The following NKAIN3 variants were observed in gnomAD, a reference collection of about 807,000 sequenced individuals.
NKAIN3 encodes the protein sodium/potassium transporting ATPase interacting 3, also known as sodium/potassium-transporting ATPase subunit beta-1-interacting protein 3.
In NKAIN3, 25 loss-of-function variants were observed where a neutral mutation model predicts 30.2. The observed-to-expected ratio is 0.83, with a 90% confidence interval of 0.60 to 1.16. The LOEUF (loss-of-function observed/expected upper bound fraction) is 1.16, where lower values mean the gene tolerates loss of function less well. Ranked by LOEUF, NKAIN3 falls within the 50% of genes most tolerant of loss-of-function variation. The probability of loss-of-function intolerance (pLI) is 0.00; values close to 1 mark genes in which losing one functional copy is unlikely to be tolerated. For synonymous variants in NKAIN3, 91 were observed against 89.6 expected, an observed-to-expected ratio of 1.02 and a Z score of -0.09; for missense variants, 225 against 254.1, an observed-to-expected ratio of 0.89 and a Z score of 0.78.
rs567978634 is a variant in NKAIN3, at chr8:62,256,332, T to G, written c.54+7205T>G. ...CTCCTTGGAGATTGAGGTGGGAGGA[T>G]TGCTTGAACTCAGGAGGTGAAGGCT... On this transcript the variant is annotated intron_variant, in intron 1 of 6. Coordinates refer to ENST00000623646, the MANE Select transcript of NKAIN3 (RefSeq NM_001304533.3). Among the ~76,000 whole-genome samples the G allele has an allele frequency of 3.9e-5, 6 of 152,254 alleles. No individual in the cohort carries two copies. In the South Asian group the frequency reaches 1.2e-3, roughly 32 times the overall value.
intron 1 of NKAIN3, among the ~76,000 whole-genome samples, chr8:62,293,790 A>C (rs986385437): frequency 1.3e-5 from 2 of 152,202 alleles, no homozygotes; most frequent in Non-Finnish European, 2.9e-5. Context: ...TTAAGTCTGC[A>C]GAAGTTTCTG....
chr8:62,778,702 C>T (rs1038038863), intron 4 of NKAIN3, among the ~76,000 whole-genome samples: 3 of 151,950 alleles, frequency 2.0e-5, no homozygotes, highest in Admixed American at 6.6e-5. Context: ...TGCTTTATTC[C>T]ACTGTGGCCG....
intron 1 of NKAIN3, among the ~76,000 whole-genome samples, chr8:62,314,316 CAG>C (rs1814543330): frequency 6.6e-6 from 1 of 152,096 alleles, no homozygotes; most frequent in Non-Finnish European, 1.5e-5. Flanking sequence ...TGACATAATC[CAG>C]AGTCATATCT....
In NKAIN3 at chr8:62,811,709, A is replaced by C. The variant is rs375918371; in HGVS notation, c.471+64580A>C. Among the ~76,000 whole-genome samples the C allele has an allele frequency of 3.9e-5, 6 of 151,930 alleles. No homozygotes were observed. In the East Asian group the frequency reaches 9.7e-4, roughly 24 times the overall value. ...TCTATTTGTGTCTTTTGCCAATTTT[A>C]TATTTAGATTTTTTTGCTTTTCTTA... On this transcript the variant is annotated intron_variant, in intron 4 of 6. Coordinates refer to ENST00000623646, the MANE Select transcript of NKAIN3 (RefSeq NM_001304533.3).
At chr8:62,549,361 ATAGT>A (rs1372097408) in intron 1 of NKAIN3, among the ~76,000 whole-genome samples, 2 of 152,066 alleles carry the variant, frequency 1.3e-5, no homozygotes. Flanking sequence ...CCTGTTCCAC[ATAGT>A]TAGGTTATTT....
chr8:62,396,591 C>T (rs1314871110), intron 1 of NKAIN3, among the ~76,000 whole-genome samples: 1 of 152,148 alleles, frequency 6.6e-6, no homozygotes, highest in Admixed American at 6.5e-5. Flanking sequence ...AATTGTGGCT[C>T]TTAATTTATA....
chr8:62,998,254 TTCTC>T (rs749712108), intron 5 of NKAIN3, among the ~76,000 whole-genome samples: 1 of 151,246 alleles, frequency 6.6e-6, no homozygotes, highest in Admixed American at 6.6e-5. Flanking sequence ...TCATTTTTCT[TTCTC>T]TCTCTCTCTC....
chr8:62,764,677 C>T (rs1816777752), intron 4 of NKAIN3, among the ~76,000 whole-genome samples: 1 of 152,044 alleles, frequency 6.6e-6, no homozygotes, highest in Admixed American at 6.6e-5. Flanking sequence ...GTTCCCCAGG[C>T]TTGAAATAAG....
intron 4 of NKAIN3, among the ~76,000 whole-genome samples, chr8:62,795,860 T>C (rs908321385): frequency 1.3e-5 from 2 of 152,190 alleles, no homozygotes; most frequent in Non-Finnish European, 2.9e-5. Context: ...TATGTATTAA[T>C]CACATTTTCA....
At chr8:62,699,123 T>C (rs1394235114) in intron 3 of NKAIN3, among the ~76,000 whole-genome samples, 1 of 152,190 alleles carries the variant, frequency 6.6e-6, no homozygotes, top group African/African-American at 2.4e-5. Context: ...ACATTATCGC[T>C]TAATAATTTA....
rs1383972088 is a variant in NKAIN3 at position 62,957,852 on chromosome 8, C to T, written c.603+3880C>T. Among the ~76,000 whole-genome samples, 6 of 152,080 alleles carry T rather than the reference C, an allele frequency of 3.9e-5. No individual in the cohort carries two copies. The South Asian group carries it at 6.2e-4, about 16-fold the overall frequency. ...CACCAAGAGTGAATCCTAATGTAAA[C>T]GATAGGCTTCGAGTGACTATATCAG... On this transcript the variant is annotated intron_variant, in intron 6 of 6. Coordinates refer to ENST00000623646, the MANE Select transcript of NKAIN3 (RefSeq NM_001304533.3).
At chr8:62,438,468 C>T (rs910812703) in intron 1 of NKAIN3, among the ~76,000 whole-genome samples, 3 of 152,164 alleles carry the variant, frequency 2.0e-5, no homozygotes, top group African/African-American at 7.2e-5. Context: ...GCATCTGTCA[C>T]CTGGAATCAC....
At chr8:62,920,062 G>T (rs985411938) in intron 5 of NKAIN3, among the ~76,000 whole-genome samples, 16 of 152,252 alleles carry the variant, frequency 1.1e-4, no homozygotes, top group Middle Eastern at 6.8e-3. Context: ...TTAATATACA[G>T]AAGGTTAGCA....
rs1341544633 is a variant in NKAIN3 at position 62,426,165 on chromosome 8, ATTGAGAAAGG to A, written c.55-153373_55-153364del. Among the ~76,000 whole-genome samples the A allele has an allele frequency of 3.9e-5, 6 of 151,958 alleles. No homozygotes were observed. In the East Asian group the frequency reaches 1.2e-3, roughly 29 times the overall value. On this transcript the variant is annotated intron_variant, in intron 1 of 6. Transcript: ENST00000623646. ...GGGAGTCTATATTAAAAATCTTGGC[ATTGAGAAAGG>A]ATAATGAGAACAGGGAAATCTACCA...
intron 4 of NKAIN3, among the ~76,000 whole-genome samples, chr8:62,837,344 G>A (rs566832137): frequency 1.9e-4 from 29 of 152,238 alleles, no homozygotes; most frequent in African/African-American, 5.3e-4. Flanking sequence ...CACAACTGCT[G>A]AACCATAGTT....
At chr8:62,900,697 T>C (rs1821588129) in intron 4 of NKAIN3, among the ~76,000 whole-genome samples, 1 of 152,092 alleles carries the variant, frequency 6.6e-6, no homozygotes, top group South Asian at 2.1e-4. Context: ...ATCTTGATAA[T>C]CTTCACAATA....
intron 4 of NKAIN3, among the ~76,000 whole-genome samples, chr8:62,786,301 A>G (rs1305332809): frequency 1.3e-5 from 2 of 152,288 alleles, no homozygotes; most frequent in East Asian, 3.9e-4. Flanking sequence ...TTAACAGTAT[A>G]GTACTGAATT....
At chr8:62,993,637 A>G (rs1280276911) in intron 5 of NKAIN3, among the ~76,000 whole-genome samples, 2 of 152,060 alleles carry the variant, frequency 1.3e-5, no homozygotes, top group African/African-American at 4.8e-5. Context: ...CCTTTTTGCA[A>G]ACGAATCACT....
chr8:62,315,161 A>G (rs11997708), intron 1 of NKAIN3, among the ~76,000 whole-genome samples: 284 of 152,110 alleles, frequency 1.9e-3, no homozygotes, highest in African/African-American at 6.3e-3. Context: ...AGTTACAGCT[A>G]TGGGTTAATT....
Sources: gnomAD v4.1 joint callset for allele counts (sites outside exome capture counted in the v4.1 genomes callset) on GRCh38, gnomAD v4.1.1 for gene constraint, MANE v1.5 for transcripts, NCBI Gene and HGNC (gene_info 2026-07-23, HGNC 2026-07-21) for gene names.